Variants in ZNF765 observed in about 807,000 individuals in gnomAD.
ZNF765 encodes the protein zinc finger protein 765.
A neutral mutation model predicts 44.7 loss-of-function variants in ZNF765; 37 were observed. The observed-to-expected ratio is 0.83, with a 90% CI of 0.64 to 1.09. The LOEUF (loss-of-function observed/expected upper bound fraction) is 1.09, where lower values mean the gene tolerates loss of function less well. Ranked by LOEUF, ZNF765 falls within the 50% of genes least tolerant of loss-of-function variation. The pLI, the probability that ZNF765 is intolerant of heterozygous loss-of-function variation, is 0.00. For synonymous variants in ZNF765, 201 were observed against 213.7 expected (o/e 0.94, Z 0.52); for missense variants, 594 against 626.1 (o/e 0.95, Z 0.55).
At chr19:53,407,186 C>A (rs2085783355) in intron 3 of ZNF765, among the ~76,000 whole-genome samples, 1 of 152,082 alleles carries the variant, frequency 6.6e-6, no homozygotes, top group African/African-American at 2.4e-5. Context: ...TTAAAAATTA[C>A]ATTTTGTAAT....
intron 2 of ZNF765, among the ~76,000 whole-genome samples, chr19:53,399,478 A>G (rs1032371226): frequency 1.3e-5 from 2 of 151,786 alleles, no homozygotes; most frequent in African/African-American, 2.4e-5. Context: ...ATCATATGAG[A>G]CTTTAGAAAA....
chr19:53,410,156 C>T lies in ZNF765; in HGVS notation c.*1029C>T. On this transcript the variant is annotated 3_prime_UTR_variant, in exon 4 of 4. Transcript: ENST00000396408. ...AACCTTGATAGTCATAGAATTCATACTAGAGAGAAACCTTAGCAGTGTAAT... is the reference window on the plus strand; with the variant it reads ...AACCTTGATAGTCATAGAATTCATATTAGAGAGAAACCTTAGCAGTGTAAT... The T allele has an allele frequency of 2.4e-6, 1 of 411,526 alleles. No individual in the cohort carries two copies. The allele number at this position is 411,526 out of a possible 1,614,324, so 25.5% of individuals were successfully genotyped here. A position where few individuals can be genotyped will look rare whatever the true frequency, so the allele number is the denominator to read the frequency against.
chr19:53,396,476 C>CA (rs1214328504), intron 1 of ZNF765, among the ~76,000 whole-genome samples: 1 of 152,228 alleles, frequency 6.6e-6, no homozygotes, highest in Non-Finnish European at 1.5e-5. Flanking sequence ...AGCAGTTAAT[C>CA]ATGTAATGAT....
rs1380350213 is a variant in ZNF765 at position 53,407,684 on chromosome 19, T to A, written c.143-14T>A. 6.6e-7 allele frequency: 1 copy of A among 1,523,902 alleles called. No individual in the cohort carries two copies. The highest frequency in any genetic ancestry group is 8.8e-7 in the Non-Finnish European group (1 of 1,137,150). 94.4% of individuals were successfully genotyped at this position (1,523,902 alleles called of 1,614,324 possible). A position where few individuals can be genotyped will look rare whatever the true frequency, so the allele number is the denominator to read the frequency against. The stretch of plus-strand genomic sequence containing the variant: ...GTACTTAATTTGAAACCTTTTGGTG[T>A]GTATACTTTTTAGATATCTCTTCCA... On this transcript the variant is annotated splice_polypyrimidine_tract_variant and intron_variant, in intron 3 of 3. Transcript: ENST00000396408.
At chr19:53,419,656 A>G (rs1180339377) in intron 3 of ZNF765, among the ~76,000 whole-genome samples, 1 of 152,202 alleles carries the variant, frequency 6.6e-6, no homozygotes, top group Non-Finnish European at 1.5e-5. Context: ...GAATCTTTCT[A>G]CAATGTATAC....
At chr19:53,416,494 G>T (rs2085875868), downstream of ZNF765, among the ~76,000 whole-genome samples, 1 of 152,118 alleles carries the variant, frequency 6.6e-6, no homozygotes, top group African/African-American at 2.4e-5. Flanking sequence ...ACATAAACAA[G>T]ATTAGCACCA....
chr19:53,405,519 T>G (rs1324971699), intron 3 of ZNF765, among the ~76,000 whole-genome samples: 1 of 151,630 alleles, frequency 6.6e-6, no homozygotes, highest in Non-Finnish European at 1.5e-5. Context: ...GCCAGCCAAA[T>G]TGGTTCCTGG....
exon 4 of ZNF765, chr19:53,425,716 ATGG>A (rs1161197479): frequency 1.3e-5 from 2 of 152,372 alleles, no homozygotes; most frequent in East Asian, 3.9e-4. Context: ...GGTGCTAAGG[ATGG>A]TGGGGTGAAG....
intron 2 of ZNF765, 198 bp from the exon 3 acceptor site, chr19:53,401,867 C>A (rs1360163756): frequency 2.2e-6 from 3 of 1,379,480 alleles, no homozygotes; most frequent in African/African-American, 1.8e-5. Flanking sequence ...CAGAGTGAGA[C>A]TCCACCTTTA....
At chr19:53,402,605 C>T (rs796576832) in intron 3 of ZNF765, among the ~76,000 whole-genome samples, 8 of 152,126 alleles carry the variant, frequency 5.3e-5, no homozygotes, top group South Asian at 4.2e-4. Context: ...TCTGTCAGCC[C>T]GGGTGGAGTA....
At chr19:53,421,146 A>C (rs1315226035) in intron 3 of ZNF765, among the ~76,000 whole-genome samples, 2 of 152,194 alleles carry the variant, frequency 1.3e-5, no homozygotes, top group Non-Finnish European at 2.9e-5. Context: ...TCTTTACTGC[A>C]CAGAGATGTT....
chr19:53,401,365 A>C (rs185708475), intron 2 of ZNF765, among the ~76,000 whole-genome samples: 56 of 151,208 alleles, frequency 3.7e-4, no homozygotes, highest in East Asian at 3.2e-3. Context: ...AGATCAAGAC[A>C]ATCCTGGCTA....
intron 1 of ZNF765, among the ~76,000 whole-genome samples, chr19:53,396,170 T>A (rs1243450028): frequency 1.3e-5 from 2 of 151,942 alleles, no homozygotes; most frequent in Non-Finnish European, 2.9e-5. Flanking sequence ...AGCAGAGTGG[T>A]GCTGGTGGCA....
intron 3 of ZNF765, among the ~76,000 whole-genome samples, chr19:53,406,145 C>CA (rs2085774100): frequency 1.3e-5 from 2 of 150,468 alleles, no homozygotes; most frequent in African/African-American, 4.9e-5. Context: ...TCTCCTGCCT[C>CA]AGCCTTCCAA....
chr19:53,400,180 G>A (rs1200677527), intron 2 of ZNF765, among the ~76,000 whole-genome samples: 3 of 152,078 alleles, frequency 2.0e-5, no homozygotes, highest in African/African-American at 7.2e-5. Context: ...GCCAGTGTCT[G>A]TTGTTTTCTT....
intron 3 of ZNF765, among the ~76,000 whole-genome samples, chr19:53,406,319 G>A (rs2085776086): frequency 6.6e-6 from 1 of 151,624 alleles, no homozygotes; most frequent in African/African-American, 2.4e-5. Context: ...CTGAGCCACC[G>A]TGTCCAGCCG....
chr19:53,405,950 T>A lies in ZNF765; in HGVS notation c.143-1748T>A, dbSNP rs866266953. Among the ~76,000 whole-genome samples the A allele has an allele frequency of 2.6e-4, 30 of 117,590 alleles. 1 individual carries two copies. The highest frequency in any genetic ancestry group is 4.6e-4 in the Admixed American group (5 of 10,940). 77.1% of individuals were successfully genotyped at this position (117,590 alleles called of 152,430 possible). ...ATATATATATATATATATATATATA[T>A]AAAATTGCTGTATTGCCTGGCTGTT... On this transcript the variant is annotated intron_variant, in intron 3 of 3. Transcript: ENST00000396408.
chr19:53,407,994 C>T lies in ZNF765; in HGVS notation c.439C>T (p.His147Tyr), dbSNP rs2147097355. The T allele has an allele frequency of 1.9e-6, 3 of 1,614,188 alleles. No homozygotes were observed. Among genetic ancestry groups the T allele is most frequent in the Non-Finnish European group, 2.5e-6 (3 of 1,180,036 alleles). Residue 147 changes from histidine to tyrosine, a missense_variant, in exon 4 of 4, where the codon CAT becomes TAT. By Grantham distance (83) the His-to-Tyr change is moderately conservative. Around this residue, in one of 2 missense-constraint regions of ZNF765, gnomAD observed 567 missense variants for 572.6 expected, o/e 0.99. Transcript: ENST00000396408. ...TCAGCTTGGATTCAGCTTTCATTCG[C>T]ATCTGCCTGAACTGCACATATTTCA... ...KYQLGFSFHS[H>Y]LPELHIFHTE...
chr19:53,418,595 T>C (rs547298696), intron 3 of ZNF765, among the ~76,000 whole-genome samples: 16 of 151,696 alleles, frequency 1.1e-4, no homozygotes, highest in African/African-American at 3.9e-4. Context: ...TAGAAGGAGG[T>C]ATATAAGAAG....
Sources: allele counts gnomAD v4.1 joint callset (sites outside exome capture counted in the v4.1 genomes callset), GRCh38; gene constraint gnomAD v4.1.1; regional missense constraint gnomAD v4.1.1; transcripts MANE v1.5; gene names NCBI Gene and HGNC (gene_info 2026-07-23, HGNC 2026-07-21).